The following FAP variants were observed in gnomAD, a reference collection of about 807,000 sequenced individuals.
FAP encodes the protein fibroblast activation protein alpha.
Under a neutral mutation model 126.5 loss-of-function variants are expected in FAP, and 110 were observed. The observed-to-expected ratio is 0.87, with a 90% CI of 0.74 to 1.02. FAP has a LOEUF of 1.02. Among genes scored for constraint, FAP ranks in the 50% least tolerant of loss-of-function variants. The pLI is 0.00. For synonymous variants in FAP, 334 were observed against 297.3 expected, an observed-to-expected ratio of 1.12 and a Z score of -1.27; for missense variants, 919 against 909.2, an observed-to-expected ratio of 1.01 and a Z score of -0.14.
intron 12 of FAP, among the ~76,000 whole-genome samples, chr2:162,203,433 T>C (rs1177182420): frequency 2.0e-5 from 3 of 152,190 alleles, no homozygotes; most frequent in African/African-American, 7.2e-5. Context: ...GTTATGTGGT[T>C]TGAAACGGAG....
rs149591141 is a variant in FAP at position 162,223,651 on chromosome 2, A to G, written c.370T>C (p.Tyr124His). 6.5e-4 allele frequency: 1,043 copies of G among 1,609,604 alleles called. 2 individuals carry two copies. Among genetic ancestry groups the G allele is most frequent in the Non-Finnish European group, 8.3e-4 (975 of 1,176,304 alleles). The change falls in exon 6 of 26, where the codon TAC (tyrosine) becomes CAC (histidine). Residue 124 changes from tyrosine to histidine, a missense_variant. Tyr to His is a moderately conservative substitution (Grantham distance 83, BLOSUM62 2). Coordinates refer to ENST00000188790, the MANE Select transcript of FAP (RefSeq NM_004460.5). ...LESDYSKLWR[Y>H]SYTATYYIYD... Reference sequence around the variant, plus strand: ...ATGTAATATGTTGCTGTGTAAGAGTATCTCCAAAGCTGTCAGAAAGAAGAA... The same window carrying G: ...ATGTAATATGTTGCTGTGTAAGAGTGTCTCCAAAGCTGTCAGAAAGAAGAA...
intron 12 of FAP, among the ~76,000 whole-genome samples, chr2:162,206,534 C>T (rs141955586): frequency 6.2e-4 from 94 of 151,938 alleles, no homozygotes; most frequent in African/African-American, 2.1e-3. Flanking sequence ...TTTTTTTGAA[C>T]CAAGGGATTT....
At chr2:162,186,565 C>G in intron 20 of FAP, among the ~76,000 whole-genome samples, 1 of 152,010 alleles carries the variant, frequency 6.6e-6, no homozygotes, top group Non-Finnish European at 1.5e-5. Flanking sequence ...TTTGTTGTTA[C>G]TGGTGGGTTG....
At chr2:162,198,261 C>T (rs774267467) in intron 16 of FAP, 42 of 1,289,776 alleles carry the variant, frequency 3.3e-5, no homozygotes, top group Admixed American at 1.4e-4. Flanking sequence ...TGACCTCCGA[C>T]GTGGGCATCT....
At chr2:162,238,047 T>A (rs199963511) in intron 2 of FAP, among the ~76,000 whole-genome samples, 5,363 of 151,528 alleles carry the variant, frequency 0.035, 460 homozygotes, top group Admixed American at 0.21. Context: ...ATGGGATTGT[T>A]TTTTTTTTCT....
chr2:162,193,577 T>G (rs561929881), intron 17 of FAP: 1 of 152,300 alleles, frequency 6.6e-6, no homozygotes, highest in African/African-American at 2.4e-5. Flanking sequence ...TGATTTCTAT[T>G]AAAACAAAAC....
intron 12 of FAP, 78 bp downstream of exon 12, chr2:162,209,874 A>G: frequency 3.2e-6 from 4 of 1,249,178 alleles, no homozygotes; most frequent in Non-Finnish European, 4.7e-6. Flanking sequence ...CAGTTTGGGT[A>G]CATTGCAAAT....
rs549071406 is a variant in FAP, at chr2:162,207,714, A to ATTTTT, written c.1047+2233_1047+2237dup. Reference sequence around the variant, plus strand: ...AGACATATGTGCCTCCACTGAGGGCATTTTTTTTTTTTTTGAGACAGAGTC... The same window carrying ATTTTT: ...AGACATATGTGCCTCCACTGAGGGCATTTTTTTTTTTTTTTTTTTGAGACAGAGTC... On this transcript the variant is annotated intron_variant, in intron 12 of 25. Transcript: ENST00000188790. Among the ~76,000 whole-genome samples the ATTTTT allele has an allele frequency of 2.2e-3, 313 of 141,768 alleles. 7 individuals are homozygous for ATTTTT. In the East Asian group the frequency reaches 0.053, roughly 24 times the overall value. The allele number at this position is 141,768 out of a possible 152,430, so 93.0% of individuals were successfully genotyped here. A position where few individuals can be genotyped will look rare whatever the true frequency, so the allele number is the denominator to read the frequency against.
chr2:162,217,166 C>A (rs1453763778), intron 9 of FAP, among the ~76,000 whole-genome samples: 2 of 152,082 alleles, frequency 1.3e-5, no homozygotes, highest in African/African-American at 4.8e-5. Context: ...GTGTGTATAC[C>A]ACATCCAACC....
intron 2 of FAP, among the ~76,000 whole-genome samples, chr2:162,233,905 G>A (rs768267890): frequency 3.9e-5 from 6 of 152,114 alleles, no homozygotes; most frequent in Non-Finnish European, 7.4e-5. Flanking sequence ...GTGAGGAATT[G>A]GGTCCAACAT....
Position 162,172,734 on chromosome 2 carries a change from A to G in FAP, c.2181+77T>C. Reference sequence around the variant, plus strand: ...TGTCAGATTTTACTTTAAAAGTTAAAAAAAATAAAAATATGAACCCCTCCT... The same window carrying G: ...TGTCAGATTTTACTTTAAAAGTTAAGAAAAATAAAAATATGAACCCCTCCT... On this transcript the variant is annotated intron_variant, in intron 25 of 25. Transcript: ENST00000188790. The G allele has an allele frequency of 3.1e-6, 3 of 967,600 alleles. No homozygotes were observed. The South Asian group carries it at 4.3e-5, about 14-fold the overall frequency. The allele number at this position is 967,600 out of a possible 1,614,324, so 59.9% of individuals were successfully genotyped here. A position where few individuals can be genotyped will look rare whatever the true frequency, so the allele number is the denominator to read the frequency against.
rs776270528 is a variant in FAP, at chr2:162,173,170, G to T, written c.2086C>A (p.Leu696Ile). Residue 696 changes from leucine (L) to isoleucine (I), a missense_variant, in exon 24 of 26, where the codon CTC becomes ATC. Coordinates refer to ENST00000188790, the MANE Select transcript of FAP (RefSeq NM_004460.5). ...TCACCATCTGCTGTTCCGTGGATGAGAAGATAGTCTACATTTCTGAAATAT... is the reference window on the plus strand; with the variant it reads ...TCACCATCTGCTGTTCCGTGGATGATAAGATAGTCTACATTTCTGAAATAT... ...AEYFRNVDYL[L>I]IHGTADDNVH... is the part of the protein sequence containing the mutation. The T allele has an allele frequency of 6.2e-7, 1 of 1,612,972 alleles. No homozygotes were observed. Among genetic ancestry groups the T allele is most frequent in the African/African-American group, 1.3e-5 (1 of 74,864 alleles).
intron 25 of FAP, 101 bp downstream of exon 25, chr2:162,172,710 G>C: frequency 2.7e-6 from 2 of 752,724 alleles, no homozygotes; most frequent in South Asian, 3.3e-5. Context: ...CAGCCTCTTT[G>C]TCAGATTTTA....
intron 18 of FAP, 40 bp downstream of exon 18, chr2:162,189,616 G>T: frequency 1.7e-6 from 2 of 1,149,916 alleles, no homozygotes; most frequent in Non-Finnish European, 2.6e-6. Context: ...AAATTGCTCA[G>T]CTTCATATCT....
At chr2:162,242,845 CT>C (rs1343580233) in intron 2 of FAP, 62 bp downstream of exon 2, 1 of 1,235,238 alleles carries the variant, frequency 8.1e-7, no homozygotes, top group Non-Finnish European at 1.2e-6. Flanking sequence ...CACTTGTGAT[CT>C]TGCATTAGTA....
Position 162,183,542 on chromosome 2 carries a change from T to C in FAP, c.1815-74A>G, listed in dbSNP as rs1687763903. 5.9e-6 allele frequency: 5 copies of C among 851,584 alleles called. No individual in the cohort carries two copies. In the African/African-American group the frequency reaches 8.6e-5, roughly 15 times the overall value. 52.8% of individuals were successfully genotyped at this position (851,584 alleles called of 1,614,324 possible). On this transcript the variant is annotated intron_variant, in intron 20 of 25. Coordinates refer to ENST00000188790, the MANE Select transcript of FAP (RefSeq NM_004460.5). ...CATTTACTTCATTACACAACCATAT[T>C]TAATCCAAAGATTTAATAGAAACGC...
In FAP at chr2:162,194,649, A is replaced by G. The variant is rs558647180; in HGVS notation, c.1450+52T>C. ...CCTGCTTTCTCTAGCGGAGCATCAC[A>G]GAGAGTTCAGGATTACTTGAGACAA... is the stretch of plus-strand genomic sequence containing the variant. On this transcript the variant is annotated intron_variant, in intron 17 of 25. Coordinates refer to ENST00000188790, the MANE Select transcript of FAP (RefSeq NM_004460.5). The G allele has an allele frequency of 3.0e-4, 462 of 1,539,502 alleles. 2 individuals are homozygous for G. In the South Asian group the frequency reaches 4.7e-3, roughly 16 times the overall value.
At chr2:162,215,853 C>T in intron 10 of FAP, 45 bp downstream of exon 10, 1 of 1,389,720 alleles carries the variant, frequency 7.2e-7, no homozygotes, top group Non-Finnish European at 1.0e-6. Flanking sequence ...CATAAATGCA[C>T]TAGAATATAG....
chr2:162,208,912 GTAAC>G (rs1431733458), intron 12 of FAP, among the ~76,000 whole-genome samples: 3 of 150,432 alleles, frequency 2.0e-5, no homozygotes, highest in Non-Finnish European at 4.4e-5. Context: ...AATAAATAAA[GTAAC>G]TATTCCCTAG....
Sources: allele counts gnomAD v4.1 joint callset (sites outside exome capture counted in the v4.1 genomes callset), GRCh38; gene constraint gnomAD v4.1.1; transcripts MANE v1.5; gene names NCBI Gene and HGNC (gene_info 2026-07-23, HGNC 2026-07-21).